Variants in DDX10 observed in about 807,000 individuals in gnomAD.
DDX10 encodes DEAD-box helicase 10.
Under a neutral mutation model 104.3 loss-of-function variants are expected in DDX10, and 74 were observed. That is an observed-to-expected ratio of 0.71 (90% confidence interval 0.59 to 0.86). The LOEUF is 0.86. Ranked by LOEUF, DDX10 falls within the 40% of genes least tolerant of loss-of-function variation. The pLI is 0.00. For missense variants in DDX10, 952 were observed against 1,040.0 expected, an observed-to-expected ratio of 0.92 and a Z score of 1.16; for synonymous variants, 351 against 353.4, an observed-to-expected ratio of 0.99 and a Z score of 0.08.
At chr11:108,694,103 A>AT (rs2094256498) in intron 9 of DDX10, among the ~76,000 whole-genome samples, 1 of 152,170 alleles carries the variant, frequency 6.6e-6, no homozygotes, top group African/African-American at 2.4e-5. Flanking sequence ...ATGGTGTGAC[A>AT]TTTTATCAGG....
intron 1 of DDX10, among the ~76,000 whole-genome samples, chr11:108,671,174 A>AT: frequency 6.6e-6 from 1 of 152,200 alleles, no homozygotes; most frequent in East Asian, 1.9e-4. Context: ...AGAAAGAGTT[A>AT]TTTTTTTGAG....
chr11:108,739,109 T>C (rs2094321867), intron 13 of DDX10, among the ~76,000 whole-genome samples: 1 of 152,210 alleles, frequency 6.6e-6, no homozygotes, highest in Admixed American at 6.5e-5. Context: ...GGCTGTATGC[T>C]ATCCAGACAT....
chr11:108,899,939 C>T (rs1863493467), intron 16 of DDX10, among the ~76,000 whole-genome samples: 1 of 152,156 alleles, frequency 6.6e-6, no homozygotes. Context: ...CATGGTGAAA[C>T]CTCATCTCTA....
At chr11:108,852,020 TAGTC>T in intron 15 of DDX10, 129 bp from the exon 16 acceptor site, 1 of 670,062 alleles carries the variant, frequency 1.5e-6, no homozygotes, top group Non-Finnish European at 2.6e-6. Flanking sequence ...CCCATAGTAG[TAGTC>T]AGTAAATATT....
intron 13 of DDX10, among the ~76,000 whole-genome samples, chr11:108,757,824 T>C (rs1292492594): frequency 2.0e-5 from 3 of 152,090 alleles, no homozygotes; most frequent in African/African-American, 7.2e-5. Context: ...AGCTAGTTAC[T>C]GCTTGCTGTT....
At chr11:108,793,613 A>G (rs929054258) in intron 13 of DDX10, among the ~76,000 whole-genome samples, 5 of 152,226 alleles carry the variant, frequency 3.3e-5, no homozygotes, top group African/African-American at 1.2e-4. Context: ...TTGCTTTTAT[A>G]TGGAAATAAA....
chr11:108,727,609 T>TTTAAATAAATA (rs2094306898), intron 13 of DDX10: 3 of 152,536 alleles, frequency 2.0e-5, no homozygotes, highest in Non-Finnish European at 4.4e-5. Context: ...GTAGGGTTCT[T>TTTAAATAAATA]GATTTTATTT....
intron 13 of DDX10, among the ~76,000 whole-genome samples, chr11:108,832,738 G>A (rs1287298909): frequency 6.6e-6 from 1 of 152,174 alleles, no homozygotes; most frequent in African/African-American, 2.4e-5. Context: ...GGATTATTTG[G>A]AAATATATTT....
chr11:108,688,128 A>T (rs1254204780), intron 6 of DDX10, among the ~76,000 whole-genome samples: 1 of 152,168 alleles, frequency 6.6e-6, no homozygotes, highest in Non-Finnish European at 1.5e-5. Flanking sequence ...CTACTGATGG[A>T]CATTTGGGTT....
At chr11:108,907,235 T>G (rs552717885) in intron 16 of DDX10, among the ~76,000 whole-genome samples, 7 of 152,302 alleles carry the variant, frequency 4.6e-5, no homozygotes, top group Non-Finnish European at 8.8e-5. Flanking sequence ...GCTACTTTAT[T>G]GACAGGACCA....
intron 16 of DDX10, among the ~76,000 whole-genome samples, chr11:108,898,015 C>A (rs1223343336): frequency 1.3e-5 from 2 of 152,018 alleles, no homozygotes; most frequent in Non-Finnish European, 2.9e-5. Context: ...GAGATAGTTC[C>A]CATGATCCTC....
At chr11:108,936,829 T>G (rs1259345809) in intron 17 of DDX10, among the ~76,000 whole-genome samples, 1 of 152,134 alleles carries the variant, frequency 6.6e-6, no homozygotes, top group Admixed American at 6.5e-5. Flanking sequence ...AGAAGAAAAA[T>G]TGCCAGGAAT....
intron 15 of DDX10, among the ~76,000 whole-genome samples, chr11:108,851,823 T>G (rs1266525101): frequency 6.6e-6 from 1 of 152,190 alleles, no homozygotes; most frequent in Non-Finnish European, 1.5e-5. Flanking sequence ...TTTCTAGAAA[T>G]TCCAAGTAAT....
chr11:108,905,490 TTGTG>T (rs1490363711), intron 16 of DDX10, among the ~76,000 whole-genome samples: 1 of 152,196 alleles, frequency 6.6e-6, no homozygotes, highest in African/African-American at 2.4e-5. Context: ...AATTCACTGT[TTGTG>T]GTTCACTTCT....
chr11:108,832,994 A>G (rs1862492757), intron 13 of DDX10, among the ~76,000 whole-genome samples: 2 of 152,240 alleles, frequency 1.3e-5, no homozygotes, highest in Admixed American at 6.5e-5. Context: ...GGACATGAAA[A>G]ACAACCTTTT....
intron 10 of DDX10, among the ~76,000 whole-genome samples, chr11:108,707,739 G>C (rs1179488469): frequency 1.3e-5 from 2 of 152,160 alleles, no homozygotes; most frequent in African/African-American, 4.8e-5. Context: ...GAAGAGAAAA[G>C]ATCTTTTCAT....
chr11:108,903,228 C>T (rs1393429065), intron 16 of DDX10, among the ~76,000 whole-genome samples: 1 of 152,126 alleles, frequency 6.6e-6, no homozygotes, highest in Non-Finnish European at 1.5e-5. Flanking sequence ...TCCCTTTCCC[C>T]CTCATCCTTG....
intron 13 of DDX10, among the ~76,000 whole-genome samples, chr11:108,785,637 A>G (rs1302589429): frequency 1.3e-5 from 2 of 151,884 alleles, no homozygotes; most frequent in Admixed American, 6.6e-5. Context: ...TGAAAGTTGT[A>G]CTTTCTTCCT....
intron 15 of DDX10, among the ~76,000 whole-genome samples, chr11:108,847,875 A>G (rs1474533066): frequency 1.3e-5 from 2 of 152,220 alleles, no homozygotes; most frequent in Non-Finnish European, 2.9e-5. Flanking sequence ...TAGAAGGGTC[A>G]AGTAATGTGT....
Sources: allele counts gnomAD v4.1 joint callset (sites outside exome capture counted in the v4.1 genomes callset), GRCh38; gene constraint gnomAD v4.1.1; transcripts MANE v1.5; gene names NCBI Gene and HGNC (gene_info 2026-07-23, HGNC 2026-07-21).